SPECC1: variants seen among roughly 807,000 people sequenced by gnomAD.
SPECC1 encodes the protein cytospin-B.
Under a neutral mutation model 104.1 loss-of-function variants are expected in SPECC1, and 62 were observed. The ratio of observed to expected loss-of-function variants is 0.60; its 90% CI spans 0.49 to 0.74. The LOEUF (loss-of-function observed/expected upper bound fraction) is 0.74, where lower values mean the gene tolerates loss of function less well. SPECC1 is among the 30% of genes least tolerant of loss of function. SPECC1 has a pLI of 0.00. For missense variants in SPECC1, 1,306 were observed against 1,310.5 expected (o/e 1.00, Z 0.05); for synonymous variants, 513 against 501.6 (o/e 1.02, Z -0.30).
intron 7 of SPECC1, chr17:20,239,534 G>A (rs920739642): frequency 5.7e-5 from 9 of 158,946 alleles, no homozygotes; most frequent in African/African-American, 2.2e-4. Flanking sequence ...GGAAGGATAT[G>A]TCCTGGAATA....
chr17:20,286,020 C>T (rs551707875), intron 12 of SPECC1, among the ~76,000 whole-genome samples: 52 of 152,234 alleles, frequency 3.4e-4, no homozygotes, highest in Admixed American at 1.8e-3. Flanking sequence ...CGCCATGTTG[C>T]CCAGGCTAGT....
intron 1 of SPECC1, among the ~76,000 whole-genome samples, chr17:20,071,251 C>T (rs373834863): frequency 2.6e-5 from 4 of 152,214 alleles, no homozygotes; most frequent in African/African-American, 9.7e-5. Context: ...TTGTCATAAT[C>T]TGAATTCTTA....
chr17:20,161,865 G>C (rs1221947247), intron 3 of SPECC1, among the ~76,000 whole-genome samples: 1 of 149,118 alleles, frequency 6.7e-6, no homozygotes, highest in African/African-American at 2.5e-5. Context: ...AGTGATCTCA[G>C]CTCCCTGCAA....
intron 7 of SPECC1, among the ~76,000 whole-genome samples, chr17:20,233,183 A>C (rs1388564115): frequency 1.3e-5 from 2 of 152,254 alleles, no homozygotes; most frequent in East Asian, 3.8e-4. Context: ...CTTGGATATT[A>C]GGAAATGATT....
intron 1 of SPECC1, among the ~76,000 whole-genome samples, chr17:20,060,913 AG>A (rs2046162153): frequency 6.6e-6 from 1 of 152,244 alleles, no homozygotes; most frequent in African/African-American, 2.4e-5. Flanking sequence ...ATTGTGTAAA[AG>A]CAGTAACTTG....
intron 1 of SPECC1, among the ~76,000 whole-genome samples, chr17:20,011,404 T>C (rs1258899712): frequency 6.6e-6 from 1 of 152,210 alleles, no homozygotes; most frequent in Non-Finnish European, 1.5e-5. Flanking sequence ...ATTTAATATA[T>C]GCTAGCATAA....
intron 4 of SPECC1, among the ~76,000 whole-genome samples, chr17:20,210,460 C>T (rs2037064613): frequency 6.6e-6 from 1 of 152,238 alleles, no homozygotes; most frequent in South Asian, 2.1e-4. Context: ...CTGTTGGCGA[C>T]TTGGGGCAGG....
At chr17:20,107,845 A>G (rs2048308896) in intron 2 of SPECC1, among the ~76,000 whole-genome samples, 1 of 152,092 alleles carries the variant, frequency 6.6e-6, no homozygotes, top group Non-Finnish European at 1.5e-5. Flanking sequence ...CACCTCTACA[A>G]AAATATTTTT....
intron 1 of SPECC1, among the ~76,000 whole-genome samples, chr17:20,011,659 A>G (rs2043948448): frequency 6.6e-6 from 1 of 151,790 alleles, no homozygotes; most frequent in South Asian, 2.1e-4. Flanking sequence ...CTTTCTACTT[A>G]ATTTGAGTTT....
At chr17:20,171,531 T>A (rs1225916035) in intron 3 of SPECC1, among the ~76,000 whole-genome samples, 1 of 152,154 alleles carries the variant, frequency 6.6e-6, no homozygotes, top group Non-Finnish European at 1.5e-5. Flanking sequence ...CATTTACTGT[T>A]TTTTTCATTA....
intron 1 of SPECC1, among the ~76,000 whole-genome samples, chr17:20,093,486 A>G (rs554763203): frequency 7.2e-5 from 11 of 152,306 alleles, no homozygotes; most frequent in African/African-American, 2.6e-4. Context: ...TCAGAATGAA[A>G]TAGGATAGCT....
chr17:20,292,609 GAA>G (rs768265229), intron 12 of SPECC1, among the ~76,000 whole-genome samples: 3 of 152,156 alleles, frequency 2.0e-5, no homozygotes, highest in Non-Finnish European at 4.4e-5. Flanking sequence ...AACCTCTTCA[GAA>G]AGTGTAAAAT....
At position 20,195,562 on chromosome 17, in the gene SPECC1, T is replaced by A. The variant is rs934120155; in HGVS notation, c.284-8771T>A. 2.0e-3 allele frequency among the ~76,000 whole-genome samples: 32 copies of A among 16,370 alleles called. No individual in the cohort carries two copies. The African/African-American group carries it at 0.075, about 38-fold the overall frequency. 10.7% of individuals were successfully genotyped at this position (16,370 alleles called of 152,430 possible). On this transcript the variant is annotated intron_variant, in intron 3 of 14. Coordinates refer to ENST00000395527, the MANE Select transcript of SPECC1 (RefSeq NM_001243439.2). ...GTGCATTATAGATATAAAACCCAAT[T>A]TTTTTTTTTTTTTGAGACGGAGTCT...
rs931433301 is a variant in SPECC1 at position 20,108,673 on chromosome 17, A to G, written c.148-1754A>G. ...TATATCAGTAATTCATTTTTTTCCTATTTGCTGTGTGGTTCTCATTGCATT... is the reference window on the plus strand; with the variant it reads ...TATATCAGTAATTCATTTTTTTCCTGTTTGCTGTGTGGTTCTCATTGCATT... On this transcript the variant is annotated intron_variant, in intron 2 of 14. Coordinates refer to ENST00000395527, the MANE Select transcript of SPECC1 (RefSeq NM_001243439.2). Among the ~76,000 whole-genome samples, 19 of 152,054 alleles carry G rather than the reference A, an allele frequency of 1.2e-4. No homozygotes were observed. The South Asian group carries it at 1.5e-3, about 12-fold the overall frequency.
At chr17:20,254,881 T>G (rs1402943384) in intron 10 of SPECC1, among the ~76,000 whole-genome samples, 2 of 152,226 alleles carry the variant, frequency 1.3e-5, no homozygotes, top group Non-Finnish European at 2.9e-5. Context: ...CTGAATCTTC[T>G]TTGCTTTTTC....
chr17:20,167,508 A>C (rs769842617), intron 3 of SPECC1, among the ~76,000 whole-genome samples: 1 of 152,040 alleles, frequency 6.6e-6, no homozygotes, highest in African/African-American at 2.4e-5. Flanking sequence ...GAGAAACCCT[A>C]TCTCTACTAA....
intron 12 of SPECC1, among the ~76,000 whole-genome samples, chr17:20,274,513 T>C (rs1357200854): frequency 3.4e-5 from 5 of 146,674 alleles, no homozygotes; most frequent in Non-Finnish European, 6.1e-5. Context: ...TTTTCTTTTT[T>C]TTTTTTTTTT....
intron 12 of SPECC1, among the ~76,000 whole-genome samples, chr17:20,264,325 G>A (rs1016483408): frequency 1.3e-5 from 2 of 151,922 alleles, no homozygotes; most frequent in Non-Finnish European, 2.9e-5. Flanking sequence ...TTGAGTTATG[G>A]GTCCCGTCAC....
At chr17:20,038,548 C>T (rs896998207) in intron 1 of SPECC1, among the ~76,000 whole-genome samples, 3 of 152,030 alleles carry the variant, frequency 2.0e-5, no homozygotes, top group South Asian at 4.2e-4. Context: ...CACAGGCTCC[C>T]GCCACTGCGC....
Sources: allele counts gnomAD v4.1 joint callset (sites outside exome capture counted in the v4.1 genomes callset), GRCh38; gene constraint gnomAD v4.1.1; transcripts MANE v1.5; gene names NCBI Gene and HGNC (gene_info 2026-07-23, HGNC 2026-07-21).